The following GPHN variants were observed in gnomAD, a reference collection of about 807,000 sequenced individuals.
The protein encoded by GPHN is gephyrin.
Under a neutral mutation model 95.5 loss-of-function variants are expected in GPHN, and 17 were observed. The ratio of observed to expected loss-of-function variants is 0.18; its 90% CI spans 0.12 to 0.27. The LOEUF is 0.27. Among genes scored for constraint, GPHN ranks in the 10% least tolerant of loss-of-function variants. The pLI, the probability that GPHN is intolerant of heterozygous loss-of-function variation, is 1.00. For missense variants in GPHN, 660 were observed against 978.1 expected, an observed-to-expected ratio of 0.67 and a Z score of 4.34; for synonymous variants, 320 against 322.5, an observed-to-expected ratio of 0.99 and a Z score of 0.08.
chr14:66,558,080 A>T (rs2060078985), intron 1 of GPHN, among the ~76,000 whole-genome samples: 1 of 152,124 alleles, frequency 6.6e-6, no homozygotes, highest in African/African-American at 2.4e-5. Context: ...CTCAATGAAA[A>T]TATTTTCTCT....
intron 8 of GPHN, among the ~76,000 whole-genome samples, chr14:66,956,894 C>T (rs1039089583): frequency 1.4e-5 from 2 of 140,412 alleles, no homozygotes; most frequent in Admixed American, 7.9e-5. Flanking sequence ...TATTCTCACT[C>T]ATAGGTGGGA....
chr14:67,064,293 G>A (rs544564839), intron 11 of GPHN, among the ~76,000 whole-genome samples: 34 of 152,258 alleles, frequency 2.2e-4, no homozygotes, highest in Admixed American at 1.9e-3. Context: ...CGACTTGATC[G>A]TGGTGGATAA....
At chr14:67,341,465 G>A in the GPHN span, among the ~76,000 whole-genome samples, 1 of 152,072 alleles carries the variant, frequency 6.6e-6, no homozygotes, top group Admixed American at 6.5e-5. Flanking sequence ...AGGGAGGTTG[G>A]GGGGTCAGCC....
chr14:67,221,928 T>G, the GPHN span: 6 of 1,229,616 alleles, frequency 4.9e-6, no homozygotes, highest in Non-Finnish European at 5.7e-6. Context: ...TTTGATGCAT[T>G]TCCTTTCTTC....
the GPHN span, chr14:67,571,804 A>G: frequency 3.1e-6 from 5 of 1,613,934 alleles, no homozygotes; most frequent in Non-Finnish European, 4.2e-6. Flanking sequence ...TCTGGGTCTG[A>G]CGATGACTGC....
the GPHN span, among the ~76,000 whole-genome samples, chr14:67,238,443 A>AT: frequency 1.3e-5 from 2 of 151,060 alleles, no homozygotes; most frequent in Non-Finnish European, 3.0e-5. Context: ...TAATTGTTAA[A>AT]TTTTTTTGTA....
the GPHN span, among the ~76,000 whole-genome samples, chr14:67,440,807 C>T: frequency 6.6e-6 from 1 of 152,020 alleles, no homozygotes; most frequent in African/African-American, 2.4e-5. Context: ...TTCTATTTCA[C>T]CTCCAGCCTT....
Position 67,181,064 on chromosome 14 carries a change from C to T in GPHN, c.*127C>T, listed in dbSNP as rs140391844. 5.0e-6 allele frequency: 4 copies of T among 794,550 alleles called. No homozygotes were observed. The highest frequency in any genetic ancestry group is 4.7e-5 in the Admixed American group (2 of 42,534). The allele number at this position is 794,550 out of a possible 1,614,324, so 49.2% of individuals were successfully genotyped here. ...TGATCTGTATAGTCAACATCTTGAA[C>T]TATATTTCAAATGAATTTAAATATC... is the stretch of plus-strand genomic sequence containing the variant. On this transcript the variant is annotated 3_prime_UTR_variant, in exon 23 of 23. Transcript: ENST00000478722.
the GPHN span, among the ~76,000 whole-genome samples, chr14:67,487,534 G>A: frequency 6.6e-6 from 1 of 152,202 alleles, no homozygotes; most frequent in Admixed American, 6.5e-5. Context: ...GGGTACATCT[G>A]TTCTCAAGGG....
the GPHN span, among the ~76,000 whole-genome samples, chr14:67,213,414 G>A: frequency 7.7e-5 from 11 of 143,622 alleles, no homozygotes; most frequent in Non-Finnish European, 1.1e-4. Context: ...AATATGCGGT[G>A]TTTGGTTTTT....
At chr14:67,216,328 G>A in the GPHN span, among the ~76,000 whole-genome samples, 1 of 151,878 alleles carries the variant, frequency 6.6e-6, no homozygotes, top group African/African-American at 2.4e-5. Flanking sequence ...TGGTATCAGG[G>A]CAATGCTGGC....
the GPHN span, among the ~76,000 whole-genome samples, chr14:67,299,350 A>ATATAC: frequency 2.8e-5 from 4 of 144,450 alleles, no homozygotes; most frequent in African/African-American, 8.3e-5. Context: ...TAGGAAGGAT[A>ATATAC]TATACCAAAG....
chr14:67,448,199 T>C, the GPHN span, among the ~76,000 whole-genome samples: 1 of 127,676 alleles, frequency 7.8e-6, no homozygotes, highest in African/African-American at 2.9e-5. Context: ...AGTGCAATAC[T>C]GCAATCTCGG....
the GPHN span, among the ~76,000 whole-genome samples, chr14:67,239,781 G>T: frequency 1.3e-5 from 2 of 152,160 alleles, no homozygotes; most frequent in African/African-American, 4.8e-5. Flanking sequence ...GCTTGAACCC[G>T]GGGAGCGGAG....
intron 10 of GPHN, among the ~76,000 whole-genome samples, chr14:67,028,045 C>T (rs1042760608): frequency 1.3e-5 from 2 of 152,116 alleles, no homozygotes; most frequent in African/African-American, 4.8e-5. Flanking sequence ...CCATCCTTCC[C>T]AGCCTCTGAT....
chr14:66,798,685 T>G (rs1034947087), intron 3 of GPHN, among the ~76,000 whole-genome samples: 2 of 151,928 alleles, frequency 1.3e-5, no homozygotes, highest in Non-Finnish European at 2.9e-5. Flanking sequence ...TTGTATTTAT[T>G]TGGATCTTCC....
chr14:66,854,991 G>A (rs965593348), intron 4 of GPHN, among the ~76,000 whole-genome samples: 1 of 152,112 alleles, frequency 6.6e-6, no homozygotes, highest in Admixed American at 6.6e-5. Context: ...GGGATTACAG[G>A]TGCGTGCCAC....
intron 11 of GPHN, among the ~76,000 whole-genome samples, chr14:67,064,023 G>A (rs1462823234): frequency 6.6e-6 from 1 of 152,180 alleles, no homozygotes; most frequent in East Asian, 1.9e-4. Context: ...TTTTCAAAGG[G>A]AATGCTTCCA....
At chr14:66,986,195 T>C (rs904491016) in intron 9 of GPHN, among the ~76,000 whole-genome samples, 5 of 75,216 alleles carry the variant, frequency 6.6e-5, no homozygotes, top group South Asian at 4.3e-4. Context: ...AGAAAAGTTA[T>C]TATGAGTTAA....
Sources: gnomAD v4.1 joint callset for allele counts (sites outside exome capture counted in the v4.1 genomes callset) on GRCh38, gnomAD v4.1.1 for gene constraint, MANE v1.5 for transcripts, NCBI Gene and HGNC (gene_info 2026-07-23, HGNC 2026-07-21) for gene names.